The following GABRA3 variants were observed in gnomAD, a reference collection of about 807,000 sequenced individuals.
GABRA3 encodes gamma-aminobutyric acid receptor subunit alpha-3.
A neutral mutation model predicts 30.1 loss-of-function variants in GABRA3; 10 were observed. The ratio of observed to expected loss-of-function variants is 0.33; its 90% CI spans 0.20 to 0.56. The LOEUF is 0.56. GABRA3 is among the 20% of genes least tolerant of loss of function. The pLI is 0.89. For synonymous variants in GABRA3, 151 were observed against 146.8 expected (o/e 1.03, Z -0.21); for missense variants, 233 against 392.0 (o/e 0.59, Z 3.42).
intron 5 of GABRA3, among the ~76,000 whole-genome samples, chrX:152,250,276 G>A (rs1938530115): frequency 9.0e-6 from 1 of 111,204 alleles, no homozygotes; most frequent in African/African-American, 3.3e-5. Context: ...CTCTTTAACT[G>A]TAGAGTCATT....
At chrX:152,335,974 A>G (rs1416105694) in intron 3 of GABRA3, among the ~76,000 whole-genome samples, 1 of 111,045 alleles carries the variant, frequency 9.0e-6, no homozygotes, top group Non-Finnish European at 1.9e-5. Flanking sequence ...TCCTGCCTTA[A>G]CCTCCCAAAG....
chrX:152,385,437 A>G (rs1929274021), intron 1 of GABRA3, among the ~76,000 whole-genome samples: 1 of 112,096 alleles, frequency 8.9e-6, no homozygotes, highest in African/African-American at 3.2e-5. Flanking sequence ...AAACAGAATG[A>G]ACTACAATTA....
intron 5 of GABRA3, among the ~76,000 whole-genome samples, chrX:152,230,158 A>C (rs1569362616): frequency 8.9e-6 from 1 of 111,794 alleles, no homozygotes. Flanking sequence ...CTGAAATTAG[A>C]TCTTGGTGAT....
At chrX:152,443,614 A>G (rs1426264420) in intron 1 of GABRA3, among the ~76,000 whole-genome samples, 9 of 111,857 alleles carry the variant, frequency 8.0e-5, no homozygotes, top group Non-Finnish European at 1.7e-4. Flanking sequence ...TAAAACAGGA[A>G]TCCAAACAAT....
At chrX:152,379,930 C>T (rs956714028) in intron 1 of GABRA3, among the ~76,000 whole-genome samples, 6 of 110,359 alleles carry the variant, frequency 5.4e-5, no homozygotes, top group East Asian at 2.9e-4. Context: ...CTCTGCCTCC[C>T]GGGTTCAAGC....
intron 6 of GABRA3, among the ~76,000 whole-genome samples, chrX:152,222,861 T>C (rs1201462516): frequency 1.8e-5 from 2 of 108,265 alleles, no homozygotes; most frequent in Middle Eastern, 4.8e-3. Context: ...GTCTAGCATG[T>C]CTTTTTTTTT....
chrX:152,387,188 C>A (rs1364611903), intron 1 of GABRA3, among the ~76,000 whole-genome samples: 1 of 106,457 alleles, frequency 9.4e-6, no homozygotes, highest in African/African-American at 3.4e-5. Flanking sequence ...AGGAGATATA[C>A]CTAATGCTAA....
intron 3 of GABRA3, among the ~76,000 whole-genome samples, chrX:152,325,256 G>A (rs1011991895): frequency 4.5e-5 from 5 of 111,929 alleles, no homozygotes; most frequent in Non-Finnish European, 7.5e-5. Flanking sequence ...TAAGATGGCC[G>A]AATAGGAACA....
intron 1 of GABRA3, among the ~76,000 whole-genome samples, chrX:152,395,546 GGATAA>G (rs1374823366): frequency 9.0e-6 from 1 of 111,422 alleles, no homozygotes; most frequent in Non-Finnish European, 1.9e-5. Flanking sequence ...TTTCAGTTAA[GGATAA>G]GATGACAGTG....
At chrX:152,235,874 A>G (rs1938193009) in intron 5 of GABRA3, among the ~76,000 whole-genome samples, 1 of 111,025 alleles carries the variant, frequency 9.0e-6, no homozygotes, top group African/African-American at 3.3e-5. Context: ...TTTGTATGGA[A>G]CCAAAAAAGT....
At chrX:152,238,930 C>T (rs1938292985) in intron 5 of GABRA3, among the ~76,000 whole-genome samples, 1 of 111,003 alleles carries the variant, frequency 9.0e-6, no homozygotes, top group Non-Finnish European at 1.9e-5. Flanking sequence ...TTTGTTGATC[C>T]TTTCAAAAAA....
intron 1 of GABRA3, among the ~76,000 whole-genome samples, chrX:152,368,701 CTTTTTTT>C (rs59912352): frequency 2.0e-5 from 1 of 49,567 alleles, no homozygotes; most frequent in African/African-American, 8.2e-5. Context: ...AATTTTTTTT[CTTTTTTT>C]TTTTTTTTTT....
chrX:152,391,143 T>C, intron 1 of GABRA3, among the ~76,000 whole-genome samples: 1 of 111,936 alleles, frequency 8.9e-6, no homozygotes, highest in Non-Finnish European at 1.9e-5. Context: ...ACATTCAGGA[T>C]GGCAGAAGCA....
At chrX:152,367,463 T>C (rs780809763) in intron 1 of GABRA3, among the ~76,000 whole-genome samples, 25 of 111,827 alleles carry the variant, frequency 2.2e-4, no homozygotes, top group Non-Finnish European at 4.3e-4. Context: ...CAATTCACCC[T>C]ACTAAAGAGC....
chrX:152,253,267 A>G (rs1730455365), intron 5 of GABRA3, among the ~76,000 whole-genome samples: 1 of 111,496 alleles, frequency 9.0e-6, no homozygotes, highest in African/African-American at 3.3e-5. Flanking sequence ...ATTTGTTCCA[A>G]TATACTAACA....
intron 3 of GABRA3, among the ~76,000 whole-genome samples, chrX:152,294,413 C>T (rs760980433): frequency 3.6e-5 from 4 of 111,194 alleles, no homozygotes; most frequent in East Asian, 2.8e-4. Flanking sequence ...TCCACTTGAT[C>T]GAATTGGCTA....
At chrX:152,173,745 C>T (rs1400224389) in intron 9 of GABRA3, among the ~76,000 whole-genome samples, 1 of 111,221 alleles carries the variant, frequency 9.0e-6, no homozygotes, top group Non-Finnish European at 1.9e-5. Context: ...GCTGGGATTA[C>T]AGGCATGAGC....
At chrX:152,252,181 A>G (rs1311345826) in intron 5 of GABRA3, among the ~76,000 whole-genome samples, 1 of 111,093 alleles carries the variant, frequency 9.0e-6, no homozygotes, top group African/African-American at 3.3e-5. Context: ...GGTATTTTCT[A>G]TGTGCACTAT....
intron 1 of GABRA3, among the ~76,000 whole-genome samples, chrX:152,393,896 C>G (rs1344311285): frequency 9.0e-6 from 1 of 111,508 alleles, no homozygotes; most frequent in African/African-American, 3.3e-5. Context: ...ACTGCCATGG[C>G]ATATACTTAT....
Sources: allele counts gnomAD v4.1 joint callset (sites outside exome capture counted in the v4.1 genomes callset), GRCh38; gene constraint gnomAD v4.1.1; transcripts MANE v1.5; gene names NCBI Gene and HGNC (gene_info 2026-07-23, HGNC 2026-07-21).